MTF2: variants seen among roughly 807,000 people sequenced by gnomAD.
MTF2 encodes the protein metal-response element-binding transcription factor 2.
A neutral mutation model predicts 79.5 loss-of-function variants in MTF2; 11 were observed. The observed-to-expected ratio is 0.14, with a 90% CI of 0.09 to 0.23. MTF2 has a LOEUF of 0.23. Among genes scored for constraint, MTF2 ranks in the 10% least tolerant of loss-of-function variants. The pLI, the probability that MTF2 is intolerant of heterozygous loss-of-function variation, is 1.00. For missense variants in MTF2, 486 were observed against 711.2 expected (o/e 0.68, Z 3.60); for synonymous variants, 208 against 232.8 (o/e 0.89, Z 0.97).
chr1:93,120,758 T>G, intron 9 of MTF2, 86 bp downstream of exon 9: 2 of 1,538,734 alleles, frequency 1.3e-6, no homozygotes, highest in South Asian at 2.5e-5. Context: ...GAGACACATG[T>G]ATAAGTCAGA....
At chr1:93,130,662 A>G (rs369625946) in intron 11 of MTF2, among the ~76,000 whole-genome samples, 18 of 152,258 alleles carry the variant, frequency 1.2e-4, no homozygotes, top group South Asian at 4.1e-4. Context: ...TTAACACTCA[A>G]TTGTCTAGGT....
chr1:93,088,970 A>C (rs1654964202), intron 1 of MTF2, among the ~76,000 whole-genome samples: 1 of 152,208 alleles, frequency 6.6e-6, no homozygotes, highest in South Asian at 2.1e-4. Context: ...GTAGAAACAC[A>C]AACATACAAA....
At chr1:93,109,034 T>G (rs552311137) in intron 1 of MTF2, among the ~76,000 whole-genome samples, 2 of 152,334 alleles carry the variant, frequency 1.3e-5, no homozygotes, top group South Asian at 4.1e-4. Context: ...TAGATATTCC[T>G]AATACTTAGG....
chr1:93,104,015 T>C (rs187944874), intron 1 of MTF2, among the ~76,000 whole-genome samples: 6 of 152,212 alleles, frequency 3.9e-5, no homozygotes, highest in Admixed American at 3.3e-4. Flanking sequence ...CATGGCTCAC[T>C]GAAGCCTCTA....
chr1:93,115,223 T>A (rs2101065177), intron 5 of MTF2, 135 bp downstream of exon 5: 1 of 709,172 alleles, frequency 1.4e-6, no homozygotes, highest in Non-Finnish European at 2.3e-6. Context: ...GCTATTTATT[T>A]GACTAATGAT....
chr1:93,087,481 A>C (rs562543906), intron 1 of MTF2, among the ~76,000 whole-genome samples: 1 of 151,984 alleles, frequency 6.6e-6, no homozygotes, highest in East Asian at 1.9e-4. Flanking sequence ...CTGAGGCAGG[A>C]GAATTGCTTG....
rs778297281 is a variant in MTF2, at chr1:93,110,564, GC to G, written c.225del (p.Cys76AlafsTer67). 6.2e-7 allele frequency: 1 copy of G among 1,613,422 alleles called. No individual in the cohort carries two copies. The highest frequency in any genetic ancestry group is 2.2e-5 in the East Asian group (1 of 44,854). Reference sequence around the variant, plus strand: ...TTGCAGATAAACATATTGAAACAGAGCTGCTTCATCATATTTGAAGACAGTT... The same window carrying G: ...TTGCAGATAAACATATTGAAACAGAGTGCTTCATCATATTTGAAGACAGTT... ...TIKKINILKQ[S>X]CFIIFEDSSK... is the part of the protein sequence containing the mutation. On this transcript the variant is annotated frameshift_variant, in exon 3 of 15. Transcript: ENST00000370298. LOFTEE classifies it high-confidence loss of function.
chr1:93,101,477 T>C (rs1655529634), intron 1 of MTF2, among the ~76,000 whole-genome samples: 1 of 145,058 alleles, frequency 6.9e-6, no homozygotes, highest in Non-Finnish European at 1.5e-5. Flanking sequence ...ACTCCTGAGC[T>C]CAAGTGATCC....
At chr1:93,131,734 A>G (rs1656925807) in intron 11 of MTF2, among the ~76,000 whole-genome samples, 1 of 152,110 alleles carries the variant, frequency 6.6e-6, no homozygotes, top group Non-Finnish European at 1.5e-5. Flanking sequence ...TTTTGTGTGT[A>G]AGTAGGAATG....
At chr1:93,093,014 C>T (rs1300513683) in intron 1 of MTF2, among the ~76,000 whole-genome samples, 1 of 151,978 alleles carries the variant, frequency 6.6e-6, no homozygotes, top group East Asian at 1.9e-4. Flanking sequence ...AATCCTGTCT[C>T]TACTAAAAAT....
At chr1:93,116,501 ATTTT>A (rs34058324) in intron 6 of MTF2, among the ~76,000 whole-genome samples, 2 of 120,436 alleles carry the variant, frequency 1.7e-5, no homozygotes, top group Non-Finnish European at 1.7e-5. Context: ...CCATTGTAAG[ATTTT>A]TTTTTTTTTT....
At chr1:93,100,289 T>TTATG (rs774960002) in intron 1 of MTF2, among the ~76,000 whole-genome samples, 7 of 149,146 alleles carry the variant, frequency 4.7e-5, no homozygotes, top group Non-Finnish European at 8.9e-5. Context: ...ATATGTGGCA[T>TTATG]TATGTTTGTT....
At chr1:93,084,993 A>G (rs1654775633) in intron 1 of MTF2, among the ~76,000 whole-genome samples, 1 of 152,204 alleles carries the variant, frequency 6.6e-6, no homozygotes, top group Non-Finnish European at 1.5e-5. Flanking sequence ...AGTTCTTATC[A>G]GTACTTGAGC....
intron 6 of MTF2, among the ~76,000 whole-genome samples, chr1:93,116,010 T>A (rs1178268787): frequency 1.3e-5 from 2 of 152,228 alleles, no homozygotes; most frequent in Non-Finnish European, 2.9e-5. Context: ...GACAAGTTTT[T>A]TAAGACATAA....
At chr1:93,113,765 TTGTC>T (rs992361639) in intron 3 of MTF2, among the ~76,000 whole-genome samples, 7 of 152,298 alleles carry the variant, frequency 4.6e-5, no homozygotes, top group East Asian at 3.9e-4. Flanking sequence ...GTTAGTTACT[TTGTC>T]TGAGCCTCAG....
At chr1:93,079,704 G>A (rs1411374388) in intron 1 of MTF2, among the ~76,000 whole-genome samples, 173 bp downstream of exon 1, 2 of 152,090 alleles carry the variant, frequency 1.3e-5, no homozygotes, top group African/African-American at 2.4e-5. Flanking sequence ...TGGATGAAGA[G>A]GAGTAGTCAG....
rs150442338 is a variant in MTF2, at chr1:93,104,665, A to G, written c.6-5565A>G. On this transcript the variant is annotated intron_variant, in intron 1 of 14. Transcript: ENST00000370298. ...CTGTACTCCAGCCTGGTGACAGAGC[A>G]AGACTCCATCTCAAAAAAAAAAAAA... Among the ~76,000 whole-genome samples the G allele has an allele frequency of 7.7e-3, 1,034 of 134,472 alleles. 17 individuals carry two copies. Among genetic ancestry groups the G allele is most frequent in the African/African-American group, 0.025 (969 of 38,008 alleles). 88.2% of individuals were successfully genotyped at this position (134,472 alleles called of 152,430 possible).
intron 11 of MTF2, among the ~76,000 whole-genome samples, chr1:93,132,139 A>G (rs560058687): frequency 6.6e-6 from 1 of 152,294 alleles, no homozygotes; most frequent in African/African-American, 2.4e-5. Context: ...AGAGAGGGGA[A>G]TTTAAGGGTC....
At chr1:93,102,195 T>C (rs1655573855) in intron 1 of MTF2, among the ~76,000 whole-genome samples, 1 of 152,188 alleles carries the variant, frequency 6.6e-6, no homozygotes, top group South Asian at 2.1e-4. Flanking sequence ...GCAATATGTA[T>C]AAGAAAGGGT....
Sources: gnomAD v4.1 joint callset for allele counts (sites outside exome capture counted in the v4.1 genomes callset) on GRCh38, gnomAD v4.1.1 for gene constraint, MANE v1.5 for transcripts, NCBI Gene and HGNC (gene_info 2026-07-23, HGNC 2026-07-21) for gene names.